The following UHRF2 variants were observed in gnomAD, a reference collection of about 807,000 sequenced individuals.
UHRF2 encodes E3 ubiquitin-protein ligase UHRF2.
Under a neutral mutation model 96.8 loss-of-function variants are expected in UHRF2, and 23 were observed. That is an observed-to-expected ratio of 0.24 (90% CI 0.17 to 0.34). The LOEUF (loss-of-function observed/expected upper bound fraction) is 0.34. Among genes scored for constraint, UHRF2 ranks in the 10% least tolerant of loss-of-function variants. The pLI is 1.00. For synonymous variants in UHRF2, 385 were observed against 332.6 expected (o/e 1.16, Z -1.72); for missense variants, 685 against 981.5 (o/e 0.70, Z 4.04).
At chr9:6,423,640 T>C (rs969958885) in intron 2 of UHRF2, among the ~76,000 whole-genome samples, 4 of 151,930 alleles carry the variant, frequency 2.6e-5, no homozygotes, top group African/African-American at 9.7e-5. Context: ...AGTGATTTTT[T>C]TTTTTTTTTT....
At chr9:6,464,051 C>G (rs1443471332) in intron 4 of UHRF2, among the ~76,000 whole-genome samples, 1 of 152,160 alleles carries the variant, frequency 6.6e-6, no homozygotes, top group Admixed American at 6.6e-5. Flanking sequence ...TACCAGGTTA[C>G]AGTTCTGCAA....
At chr9:6,471,699 C>T (rs372472488) in intron 4 of UHRF2, among the ~76,000 whole-genome samples, 3 of 152,154 alleles carry the variant, frequency 2.0e-5, no homozygotes, top group African/African-American at 4.8e-5. Context: ...AGCTAAGCTA[C>T]TCCCAGATTC....
chr9:6,503,364 G>A (rs906926796), intron 14 of UHRF2, among the ~76,000 whole-genome samples: 1 of 151,436 alleles, frequency 6.6e-6, no homozygotes, highest in Admixed American at 6.6e-5. Flanking sequence ...ATAACTGAAG[G>A]ATTATCTTTA....
intron 10 of UHRF2, chr9:6,495,354 A>C (rs1309893744): frequency 6.6e-6 from 1 of 152,232 alleles, no homozygotes; most frequent in Non-Finnish European, 1.5e-5. Flanking sequence ...AGAGACTTTA[A>C]CATCTGGTCA....
chr9:6,429,691 G>T (rs1419111676), intron 2 of UHRF2, among the ~76,000 whole-genome samples: 1 of 152,152 alleles, frequency 6.6e-6, no homozygotes, highest in Non-Finnish European at 1.5e-5. Flanking sequence ...GGAGACAGTT[G>T]TTTCATTTGT....
At chr9:6,433,584 T>C (rs1820673986) in intron 2 of UHRF2, among the ~76,000 whole-genome samples, 1 of 152,220 alleles carries the variant, frequency 6.6e-6, no homozygotes, top group Admixed American at 6.5e-5. Context: ...TTCATTAGTG[T>C]CATTCTTACT....
chr9:6,475,314 A>C, intron 4 of UHRF2, 77 bp from the exon 5 acceptor site: 1 of 795,146 alleles, frequency 1.3e-6, no homozygotes, highest in Non-Finnish European at 1.9e-6. Flanking sequence ...TGAGATTCCA[A>C]ACTGGCTTTT....
chr9:6,452,636 A>G (rs967067279), intron 3 of UHRF2, among the ~76,000 whole-genome samples: 1 of 152,214 alleles, frequency 6.6e-6, no homozygotes, highest in African/African-American at 2.4e-5. Flanking sequence ...AGGTTATCGT[A>G]AATGGGACTA....
At chr9:6,494,846 C>CTTTCA (rs1342424077) in intron 10 of UHRF2, 24 of 152,134 alleles carry the variant, frequency 1.6e-4, no homozygotes, top group Admixed American at 3.3e-4. Context: ...GATTTCAAGA[C>CTTTCA]TTTCATGCGT....
At chr9:6,445,733 A>G (rs889806481) in intron 3 of UHRF2, among the ~76,000 whole-genome samples, 3 of 151,388 alleles carry the variant, frequency 2.0e-5, no homozygotes, top group Non-Finnish European at 4.4e-5. Flanking sequence ...AATTTAAAAA[A>G]TTTTTCTTTT....
At chr9:6,483,151 C>T (rs1587858639) in intron 8 of UHRF2, among the ~76,000 whole-genome samples, 1 of 151,544 alleles carries the variant, frequency 6.6e-6, no homozygotes, top group Non-Finnish European at 1.5e-5. Flanking sequence ...CATGGTGAGA[C>T]CCATCTCTAC....
intron 4 of UHRF2, among the ~76,000 whole-genome samples, chr9:6,472,828 T>C (rs1473050015): frequency 6.6e-6 from 1 of 152,212 alleles, no homozygotes; most frequent in Admixed American, 6.5e-5. Flanking sequence ...ATTCTAATTT[T>C]GGTGTCCTTA....
chr9:6,455,651 G>T (rs1822133349), intron 3 of UHRF2, among the ~76,000 whole-genome samples: 1 of 152,126 alleles, frequency 6.6e-6, no homozygotes, highest in South Asian at 2.1e-4. Flanking sequence ...GACTGTTACT[G>T]ATTTCTTTGG....
chr9:6,483,753 G>A (rs1184440642), intron 8 of UHRF2, among the ~76,000 whole-genome samples: 6 of 151,374 alleles, frequency 4.0e-5, no homozygotes, highest in Admixed American at 2.6e-4. Flanking sequence ...GCAATGGCAC[G>A]ATCTTGGCTC....
At chr9:6,440,763 A>G (rs1563757675) in intron 3 of UHRF2, among the ~76,000 whole-genome samples, 2 of 152,212 alleles carry the variant, frequency 1.3e-5, no homozygotes, top group African/African-American at 4.8e-5. Flanking sequence ...GATTAATTTT[A>G]GTTACTTAGA....
intron 3 of UHRF2, among the ~76,000 whole-genome samples, chr9:6,435,196 G>T (rs1165036293): frequency 1.3e-5 from 2 of 152,066 alleles, no homozygotes; most frequent in South Asian, 4.2e-4. Flanking sequence ...GTTTCACCAT[G>T]TTGGCCAGGC....
intron 10 of UHRF2, chr9:6,496,420 C>A (rs898414218): frequency 6.6e-6 from 1 of 152,176 alleles, no homozygotes; most frequent in African/African-American, 2.4e-5. Context: ...AGAGTAAGGT[C>A]TTCTAACATC....
intron 3 of UHRF2, among the ~76,000 whole-genome samples, chr9:6,445,112 A>G (rs1821408577): frequency 6.7e-6 from 1 of 148,420 alleles, no homozygotes; most frequent in Admixed American, 6.8e-5. Flanking sequence ...ACTACATAGC[A>G]AAACCCTATC....
intron 10 of UHRF2, 129 bp downstream of exon 10, chr9:6,494,061 G>T: frequency 1.4e-6 from 1 of 725,742 alleles, no homozygotes. Flanking sequence ...TAAAATTCCA[G>T]TGCCTGATTA....
Sources: gnomAD v4.1 joint callset for allele counts (sites outside exome capture counted in the v4.1 genomes callset) on GRCh38, gnomAD v4.1.1 for gene constraint, MANE v1.5 for transcripts, NCBI Gene and HGNC (gene_info 2026-07-23, HGNC 2026-07-21) for gene names.